GNAL: variants seen among roughly 807,000 people sequenced by gnomAD.
GNAL encodes the protein guanine nucleotide-binding protein G(olf) subunit alpha.
Under a neutral mutation model 55.1 loss-of-function variants are expected in GNAL, and 18 were observed. The observed-to-expected ratio is 0.33, with a 90% CI of 0.23 to 0.48. GNAL has a LOEUF of 0.48. Among genes scored for constraint, GNAL ranks in the 20% least tolerant of loss-of-function variants. GNAL has a pLI of 0.99. For synonymous variants in GNAL, 253 were observed against 237.0 expected (o/e 1.07, Z -0.62); for missense variants, 412 against 614.1 (o/e 0.67, Z 3.48).
chr18:11,804,095 A>T (rs12961220), intron 4 of GNAL, among the ~76,000 whole-genome samples: 14 of 124,650 alleles, frequency 1.1e-4, no homozygotes, highest in South Asian at 2.5e-4. Context: ...GAAGTACAGG[A>T]GCAGTTTGAG....
intron 6 of GNAL, among the ~76,000 whole-genome samples, chr18:11,864,293 C>T (rs533061351): frequency 1.3e-5 from 2 of 151,972 alleles, no homozygotes; most frequent in Non-Finnish European, 2.9e-5. Flanking sequence ...AGGGTTTCAC[C>T]GTGTTGGCCA....
chr18:11,785,712 T>C (rs2034036976), intron 4 of GNAL, among the ~76,000 whole-genome samples: 1 of 152,014 alleles, frequency 6.6e-6, no homozygotes, highest in Non-Finnish European at 1.5e-5. Flanking sequence ...TTCAGGCCGG[T>C]GTATGAGAGA....
Position 11,689,445 on chromosome 18 carries a change from T to A in GNAL, c.-119T>A. 4.8e-6 allele frequency: 2 copies of A among 415,602 alleles called. No individual in the cohort carries two copies. 25.7% of individuals were successfully genotyped at this position (415,602 alleles called of 1,614,324 possible). On this transcript the variant is annotated 5_prime_UTR_variant, in exon 1 of 12. Transcript: ENST00000334049. ...CCGGCAGCGCCGAACAGGGTCCGGG[T>A]GCAGCCCCCTCCCGCCCCTCCGCTG...
intron 5 of GNAL, among the ~76,000 whole-genome samples, chr18:11,839,410 G>A (rs1431358996): frequency 3.3e-5 from 5 of 151,614 alleles, no homozygotes; most frequent in African/African-American, 4.8e-5. Flanking sequence ...AAATTAGCTG[G>A]GCCATGGTGG....
chr18:11,808,068 C>G (rs1163113170), intron 4 of GNAL, among the ~76,000 whole-genome samples: 4 of 151,718 alleles, frequency 2.6e-5, no homozygotes, highest in Non-Finnish European at 5.9e-5. Context: ...CCTACTCTAC[C>G]CTCACAGGTC....
chr18:11,705,038 G>A (rs754410235), intron 1 of GNAL, among the ~76,000 whole-genome samples: 1 of 151,952 alleles, frequency 6.6e-6, no homozygotes, highest in Non-Finnish European at 1.5e-5. Flanking sequence ...TGGGGACAAC[G>A]TTGTACAGCA....
At chr18:11,879,044 A>G (rs1374584869) in intron 11 of GNAL, among the ~76,000 whole-genome samples, 1 of 151,748 alleles carries the variant, frequency 6.6e-6, no homozygotes, top group Non-Finnish European at 1.5e-5. Flanking sequence ...AACATGGCAC[A>G]TGTATACATA....
intron 4 of GNAL, among the ~76,000 whole-genome samples, chr18:11,822,808 C>A: frequency 1.4e-5 from 2 of 139,942 alleles, no homozygotes; most frequent in African/African-American, 5.7e-5. Flanking sequence ...TATTGTTTTT[C>A]TTTTTTTTTT....
chr18:11,746,552 G>A, intron 1 of GNAL: 1 of 238,138 alleles, frequency 4.2e-6, no homozygotes, highest in Middle Eastern at 1.6e-3. Context: ...TGAGGCTACA[G>A]TGAGCTGTGA....
At chr18:11,776,986 T>C (rs1255334436) in intron 4 of GNAL, among the ~76,000 whole-genome samples, 5 of 152,314 alleles carry the variant, frequency 3.3e-5, no homozygotes, top group African/African-American at 9.6e-5. Flanking sequence ...GTAGTATCAA[T>C]GTAAAAGCCA....
At chr18:11,759,514 C>T (rs2033169761) in intron 4 of GNAL, among the ~76,000 whole-genome samples, 1 of 152,264 alleles carries the variant, frequency 6.6e-6, no homozygotes, top group Non-Finnish European at 1.5e-5. Context: ...GAGAGCTACT[C>T]TGTCACTTTC....
At chr18:11,760,643 GC>G (rs1221197766) in intron 4 of GNAL, among the ~76,000 whole-genome samples, 4 of 152,172 alleles carry the variant, frequency 2.6e-5, no homozygotes, top group African/African-American at 9.7e-5. Context: ...GGGTCTTTGG[GC>G]TTGGCGCTTC....
At chr18:11,833,245 TG>T (rs1463206289) in intron 5 of GNAL, among the ~76,000 whole-genome samples, 1 of 152,108 alleles carries the variant, frequency 6.6e-6, no homozygotes, top group Non-Finnish European at 1.5e-5. Context: ...TTGGCCAGGC[TG>T]GTCTCGAACT....
intron 5 of GNAL, among the ~76,000 whole-genome samples, chr18:11,827,296 T>G (rs2035270917): frequency 6.6e-6 from 1 of 152,164 alleles, no homozygotes; most frequent in African/African-American, 2.4e-5. Flanking sequence ...CTCATGAAAA[T>G]TTTTAATTAA....
In GNAL at chr18:11,752,190, T is replaced by G. The variant is rs576850005; in HGVS notation, c.377-663T>G. On this transcript the variant is annotated intron_variant, in intron 1 of 11. Transcript: ENST00000334049. The surrounding 1 kb of genome is among the most constrained non-coding windows in gnomAD (Gnocchi z 4.5). Reference sequence around the variant, plus strand: ...ATTCATCCAGCAGATTTTGAAACAATTCTCGTGTAAAAAGGCATTTTACTC... The same window carrying G: ...ATTCATCCAGCAGATTTTGAAACAAGTCTCGTGTAAAAAGGCATTTTACTC... 9.1e-4 allele frequency: 508 copies of G among 556,786 alleles called. 3 individuals carry two copies. The highest frequency in any genetic ancestry group is 1.1e-3 in the Non-Finnish European group (392 of 361,972). The allele number at this position is 556,786 out of a possible 1,614,324, so 34.5% of individuals were successfully genotyped here. A position where few individuals can be genotyped will look rare whatever the true frequency, so the allele number is the denominator to read the frequency against.
chr18:11,716,592 C>T (rs1189044548), intron 1 of GNAL, among the ~76,000 whole-genome samples: 2 of 152,158 alleles, frequency 1.3e-5, no homozygotes, highest in Admixed American at 1.3e-4. Flanking sequence ...TGACTGGGTG[C>T]TGATTGGTGC....
chr18:11,795,340 G>T (rs773522094), intron 4 of GNAL, among the ~76,000 whole-genome samples: 1 of 148,012 alleles, frequency 6.8e-6, no homozygotes, highest in Non-Finnish European at 1.5e-5. Context: ...GGTTGAGGAC[G>T]CAGTGAGCTC....
chr18:11,791,804 G>GCTT (rs2034245903), intron 4 of GNAL, among the ~76,000 whole-genome samples: 1 of 152,096 alleles, frequency 6.6e-6, no homozygotes, highest in Non-Finnish European at 1.5e-5. Flanking sequence ...GACTCAAGTA[G>GCTT]CTTCCCATGT....
chr18:11,780,502 A>G (rs969061286), intron 4 of GNAL, among the ~76,000 whole-genome samples: 3 of 152,210 alleles, frequency 2.0e-5, no homozygotes, highest in African/African-American at 7.2e-5. Context: ...GCTCTTTAAA[A>G]TAAAAATATT....
Sources: gnomAD v4.1 joint callset for allele counts (sites outside exome capture counted in the v4.1 genomes callset) on GRCh38, gnomAD v4.1.1 for gene constraint, Gnocchi (gnomAD v3.1) non-coding constraint, MANE v1.5 for transcripts, NCBI Gene and HGNC (gene_info 2026-07-23, HGNC 2026-07-21) for gene names.